Variants in NCEH1 observed in about 807,000 individuals in gnomAD.
NCEH1 encodes neutral cholesterol ester hydrolase 1, also known as 2-acetyl MAGE hydrolase.
Under a neutral mutation model 25.4 loss-of-function variants are expected in NCEH1, and 9 were observed. The observed-to-expected ratio is 0.35, with a 90% CI of 0.21 to 0.62. The LOEUF is 0.62. NCEH1 is among the 20% of genes least tolerant of loss of function. The pLI, the probability that NCEH1 is intolerant of heterozygous loss-of-function variation, is 0.72. For synonymous variants in NCEH1, 200 were observed against 199.8 expected, an observed-to-expected ratio of 1.00 and a Z score of -0.01; for missense variants, 412 against 501.1, an observed-to-expected ratio of 0.82 and a Z score of 1.70.
At chr3:172,655,571 G>A (rs866847233) in intron 1 of NCEH1, among the ~76,000 whole-genome samples, 2 of 152,158 alleles carry the variant, frequency 1.3e-5, no homozygotes, top group African/African-American at 2.4e-5. Context: ...CGGTGTTCAC[G>A]CTTTAGTCCT....
At chr3:172,698,007 C>T (rs1263846344) in intron 1 of NCEH1, among the ~76,000 whole-genome samples, 2 of 124,888 alleles carry the variant, frequency 1.6e-5, no homozygotes, top group African/African-American at 6.2e-5. Flanking sequence ...GACGGAGTCT[C>T]ACTTTGTCAC....
intron 3 of NCEH1, among the ~76,000 whole-genome samples, chr3:172,641,334 C>T (rs570147744): frequency 1.3e-5 from 2 of 152,272 alleles, no homozygotes; most frequent in Admixed American, 6.5e-5. Context: ...ATAGCTTTTA[C>T]GTAGGTTTTG....
intron 1 of NCEH1, among the ~76,000 whole-genome samples, chr3:172,649,708 C>G (rs1717305648): frequency 6.6e-6 from 1 of 152,160 alleles, no homozygotes; most frequent in South Asian, 2.1e-4. Context: ...CACTGTATTT[C>G]CAAAGTTTCT....
rs560370018 is a variant in NCEH1 at position 172,663,281 on chromosome 3, T to A, written c.139-15167A>T. Among the ~76,000 whole-genome samples, 11 of 152,352 alleles carry A rather than the reference T, an allele frequency of 7.2e-5. No individual in the cohort carries two copies. In the South Asian group the frequency reaches 2.3e-3, roughly 32 times the overall value. ...TGTAGTTGAGTAGTTTTGAGTGAGT[T>A]TCTTAATCCTGAGTTCTAATTTGAT... is the stretch of plus-strand genomic sequence containing the variant. On this transcript the variant is annotated intron_variant, in intron 1 of 4. Coordinates refer to ENST00000475381, the MANE Select transcript of NCEH1 (RefSeq NM_020792.6).
At chr3:172,686,817 C>T (rs546732264) in intron 1 of NCEH1, among the ~76,000 whole-genome samples, 1 of 152,296 alleles carries the variant, frequency 6.6e-6, no homozygotes, top group African/African-American at 2.4e-5. Context: ...TTCCTATTGT[C>T]TTTCTCACAC....
chr3:172,659,408 C>CA (rs1717864083), intron 1 of NCEH1, among the ~76,000 whole-genome samples: 1 of 152,212 alleles, frequency 6.6e-6, no homozygotes, highest in African/African-American at 2.4e-5. Flanking sequence ...TCCAGGGGGA[C>CA]AACCATGTTA....
chr3:172,704,874 C>T (rs1231644020), intron 1 of NCEH1, among the ~76,000 whole-genome samples: 2 of 152,170 alleles, frequency 1.3e-5, no homozygotes, highest in Non-Finnish European at 2.9e-5. Context: ...TTTTTAATAG[C>T]TATATATTAA....
chr3:172,660,439 T>C (rs1476572311), intron 1 of NCEH1, among the ~76,000 whole-genome samples: 1 of 152,158 alleles, frequency 6.6e-6, no homozygotes, highest in Non-Finnish European at 1.5e-5. Context: ...TAAACATACA[T>C]GTGCATGTGT....
At chr3:172,684,402 T>C (rs921472261) in intron 1 of NCEH1, among the ~76,000 whole-genome samples, 7 of 152,110 alleles carry the variant, frequency 4.6e-5, no homozygotes, top group African/African-American at 1.7e-4. Flanking sequence ...GAAGAAAACC[T>C]AACCTAGAAA....
At chr3:172,642,425 C>T (rs151304865) in intron 3 of NCEH1, among the ~76,000 whole-genome samples, 9 of 152,058 alleles carry the variant, frequency 5.9e-5, no homozygotes, top group Middle Eastern at 6.8e-3. Flanking sequence ...ATCCACCTGC[C>T]TCAGCCTCCC....
intron 1 of NCEH1, among the ~76,000 whole-genome samples, chr3:172,695,073 T>C (rs941147717): frequency 6.6e-6 from 1 of 152,238 alleles, no homozygotes; most frequent in African/African-American, 2.4e-5. Flanking sequence ...TCCTCAATTA[T>C]GGTGGTCAAC....
chr3:172,636,704 C>T (rs1460452618), intron 3 of NCEH1, among the ~76,000 whole-genome samples: 2 of 152,182 alleles, frequency 1.3e-5, no homozygotes, highest in African/African-American at 2.4e-5. Flanking sequence ...AGCAGGCCCT[C>T]GGGGATACTT....
intron 1 of NCEH1, among the ~76,000 whole-genome samples, chr3:172,667,604 C>A (rs538745173): frequency 2.2e-4 from 33 of 152,152 alleles, no homozygotes; most frequent in African/African-American, 7.5e-4. Flanking sequence ...AACCCAGGAA[C>A]CAGGGAGGGA....
Position 172,646,814 on chromosome 3 carries a change from G to A in NCEH1, c.367+1072C>T, listed in dbSNP as rs1717139374. 1.3e-5 allele frequency among the ~76,000 whole-genome samples: 2 copies of A among 152,266 alleles called. 1 individual carries two copies. Among genetic ancestry groups the A allele is most frequent in the South Asian group, 4.1e-4 (2 of 4,820 alleles). ...TCCAGTACAATGTTTTTCCTGGCAA[G>A]CGTCCAATGCTACAGATTCAATCTC... On this transcript the variant is annotated intron_variant, in intron 2 of 4. Transcript: ENST00000475381.
chr3:172,659,173 A>C (rs73880224), intron 1 of NCEH1, among the ~76,000 whole-genome samples: 1,645 of 152,236 alleles, frequency 0.011, 41 homozygotes, highest in African/African-American at 0.038. Flanking sequence ...GGTGGTGGGA[A>C]AAATTATAGA....
At chr3:172,710,683 A>G (rs1471775332) in intron 1 of NCEH1, among the ~76,000 whole-genome samples, 164 bp downstream of exon 1, 3 of 152,244 alleles carry the variant, frequency 2.0e-5, no homozygotes, top group African/African-American at 7.2e-5. Flanking sequence ...AAGGAGGCGA[A>G]TGCGATACCC....
At position 172,686,550 on chromosome 3, in the gene NCEH1, T is replaced by A. The variant is rs117586902; in HGVS notation, c.138+24297A>T. ...ACTGATTTTGCTTGCATAAGTTCTA[T>A]GTGATGCTCGATACTGGGATGTGGA... On this transcript the variant is annotated intron_variant, in intron 1 of 4. Transcript: ENST00000475381. Among the ~76,000 whole-genome samples the A allele has an allele frequency of 5.9e-5, 9 of 152,346 alleles. No homozygotes were observed. The East Asian group carries it at 1.7e-3, about 29-fold the overall frequency.
intron 1 of NCEH1, among the ~76,000 whole-genome samples, chr3:172,666,183 G>A (rs1262881658): frequency 1.3e-5 from 2 of 152,166 alleles, no homozygotes; most frequent in Non-Finnish European, 2.9e-5. Flanking sequence ...GCAAATGCTG[G>A]CTATTAGAAA....
rs572778229 is a variant in NCEH1 at position 172,655,171 on chromosome 3, C to A, written c.139-7057G>T. 7.9e-5 allele frequency among the ~76,000 whole-genome samples: 12 copies of A among 152,294 alleles called. No homozygotes were observed. The South Asian group carries it at 2.5e-3, about 32-fold the overall frequency. On this transcript the variant is annotated intron_variant, in intron 1 of 4. Transcript: ENST00000475381. ...AGTAGCTGGGAAATCCAGGAACACA[C>A]AGAATTGTGTTAAGGGCCCTGTGAG...
Sources: gnomAD v4.1 joint callset for allele counts (sites outside exome capture counted in the v4.1 genomes callset) on GRCh38, gnomAD v4.1.1 for gene constraint, MANE v1.5 for transcripts, NCBI Gene and HGNC (gene_info 2026-07-23, HGNC 2026-07-21) for gene names.